PIWIL2: variants seen among roughly 807,000 people sequenced by gnomAD.
The protein encoded by PIWIL2 is piwi like RNA-mediated gene silencing 2.
Under a neutral mutation model 116.5 loss-of-function variants are expected in PIWIL2, and 81 were observed. The ratio of observed to expected loss-of-function variants is 0.70; its 90% CI spans 0.58 to 0.84. PIWIL2 has a LOEUF of 0.84. Among genes scored for constraint, PIWIL2 ranks in the 40% least tolerant of loss-of-function variants. The pLI, the probability that PIWIL2 is intolerant of heterozygous loss-of-function variation, is 0.00. For synonymous variants in PIWIL2, 489 were observed against 429.5 expected, an observed-to-expected ratio of 1.14 and a Z score of -1.71; for missense variants, 1,272 against 1,212.3, an observed-to-expected ratio of 1.05 and a Z score of -0.73.
intron 20 of PIWIL2, among the ~76,000 whole-genome samples, chr8:22,328,740 G>T (rs1376338655): frequency 6.7e-6 from 1 of 150,026 alleles, no homozygotes; most frequent in Non-Finnish European, 1.5e-5. Context: ...TTCATTGCTG[G>T]CATATAGAAA....
intron 2 of PIWIL2, 72 bp from the exon 3 acceptor site, chr8:22,281,048 C>G (rs1830487136): frequency 3.6e-6 from 3 of 829,132 alleles, no homozygotes; most frequent in Non-Finnish European, 5.9e-6. Context: ...TATTATATAC[C>G]AAGACTAAGA....
At chr8:22,338,247 G>A (rs569770164) in intron 20 of PIWIL2, among the ~76,000 whole-genome samples, 2 of 152,210 alleles carry the variant, frequency 1.3e-5, no homozygotes, top group East Asian at 1.9e-4. Flanking sequence ...AAAATCCCAG[G>A]GAACCAACAA....
chr8:22,282,203 G>A (rs1184323846), intron 4 of PIWIL2, among the ~76,000 whole-genome samples: 2 of 142,584 alleles, frequency 1.4e-5, no homozygotes, highest in South Asian at 4.4e-4. Flanking sequence ...GCCTCAGTGT[G>A]CCGAGTAGCT....
chr8:22,354,219 C>T (rs974540454), intron 21 of PIWIL2, 52 bp from the exon 22 acceptor site: 21 of 1,192,388 alleles, frequency 1.8e-5, no homozygotes, highest in Non-Finnish European at 2.5e-5. Context: ...TCTTTGCCAG[C>T]TCTGTCTGGC....
intron 20 of PIWIL2, among the ~76,000 whole-genome samples, chr8:22,348,172 G>T (rs958197863): frequency 6.6e-6 from 1 of 151,426 alleles, no homozygotes; most frequent in African/African-American, 2.4e-5. Context: ...ATGATGGCGG[G>T]TGTCTGTAAT....
intron 19 of PIWIL2, 29 bp from the exon 20 acceptor site, chr8:22,318,139 TTC>T (rs778446940): frequency 2.9e-6 from 4 of 1,382,848 alleles, no homozygotes; most frequent in Non-Finnish European, 4.1e-6. Flanking sequence ...TCATCTTCCT[TTC>T]TCTGTCTCTC....
At position 22,305,879 on chromosome 8, in the gene PIWIL2, T is replaced by A. The variant is rs189364011; in HGVS notation, c.1456-48T>A. On this transcript the variant is annotated intron_variant, in intron 12 of 22. Coordinates refer to ENST00000356766, the MANE Select transcript of PIWIL2 (RefSeq NM_018068.5). ...GACATGTCCTGTATGGTCGGGAACA[T>A]GAGCCTCTTGTACTGCCTTATTTTC... is the stretch of plus-strand genomic sequence containing the variant. The A allele has an allele frequency of 1.3e-5, 18 of 1,367,244 alleles. No homozygotes were observed. In the Admixed American group the frequency reaches 2.9e-4, roughly 22 times the overall value. The allele number at this position is 1,367,244 out of a possible 1,614,324, so 84.7% of individuals were successfully genotyped here. A position where few individuals can be genotyped will look rare whatever the true frequency, so the allele number is the denominator to read the frequency against.
At chr8:22,284,122 T>A (rs1830578340) in intron 5 of PIWIL2, 40 bp from the exon 6 acceptor site, 1 of 1,107,004 alleles carries the variant, frequency 9.0e-7, no homozygotes, top group Admixed American at 2.5e-5. Flanking sequence ...TGTTTTTTTG[T>A]TTTTGATATA....
chr8:22,300,860 G>A (rs1028670674), intron 10 of PIWIL2, among the ~76,000 whole-genome samples: 1 of 152,128 alleles, frequency 6.6e-6, no homozygotes, highest in African/African-American at 2.4e-5. Flanking sequence ...TGTTTTTACT[G>A]AGTTGTGCAG....
intron 6 of PIWIL2, 36 bp downstream of exon 6, chr8:22,284,308 A>G: frequency 9.3e-7 from 1 of 1,076,344 alleles, no homozygotes; most frequent in Non-Finnish European, 1.4e-6. Context: ...TTCACTTCTT[A>G]AAGGGCAGTA....
At chr8:22,290,173 G>A (rs1830726393) in intron 9 of PIWIL2, 60 bp from the exon 10 acceptor site, 12 of 978,024 alleles carry the variant, frequency 1.2e-5, no homozygotes. Context: ...GTTCACATGG[G>A]GGCATGGAAG....
intron 20 of PIWIL2, among the ~76,000 whole-genome samples, chr8:22,346,795 G>T (rs1218706293): frequency 6.6e-6 from 1 of 152,094 alleles, no homozygotes; most frequent in East Asian, 1.9e-4. Context: ...GCCTGTAGGC[G>T]CAGCTACTCA....
At chr8:22,342,451 T>C (rs897453376) in intron 20 of PIWIL2, among the ~76,000 whole-genome samples, 4 of 152,056 alleles carry the variant, frequency 2.6e-5, no homozygotes, top group Admixed American at 6.6e-5. Context: ...TGGAACAGAA[T>C]AGAAAGCCCA....
intron 15 of PIWIL2, among the ~76,000 whole-genome samples, chr8:22,310,818 C>G (rs1831310616): frequency 6.6e-6 from 1 of 152,148 alleles, no homozygotes; most frequent in African/African-American, 2.4e-5. Context: ...TACATGGAAT[C>G]ATAGATTATA....
rs377002115 is a variant in PIWIL2 at position 22,288,522 on chromosome 8, T to A, written c.862-20T>A. The A allele has an allele frequency of 5.6e-6, 9 of 1,604,198 alleles. No individual in the cohort carries two copies. The African/African-American group carries it at 1.2e-4, about 21-fold the overall frequency. On this transcript the variant is annotated intron_variant, in intron 7 of 22. Coordinates refer to ENST00000356766, the MANE Select transcript of PIWIL2 (RefSeq NM_018068.5). ...CTTAGTTTTGTCATTTTGTTTCACC[T>A]GTGTGTATTTATTTGTTAGGTTCTT...
chr8:22,310,485 T>G (rs947534759), intron 15 of PIWIL2, among the ~76,000 whole-genome samples: 7 of 152,188 alleles, frequency 4.6e-5, no homozygotes, highest in African/African-American at 1.7e-4. Flanking sequence ...TGGCATATAA[T>G]TACTTCTCAG....
chr8:22,294,830 GC>G (rs1830854324), intron 10 of PIWIL2, among the ~76,000 whole-genome samples: 1 of 143,942 alleles, frequency 6.9e-6, no homozygotes, highest in African/African-American at 2.5e-5. Context: ...GGAGGCCGAG[GC>G]AGGCGGATCA....
rs1830655442 is a variant in PIWIL2 at position 22,287,508 on chromosome 8, T to C, written c.744-20T>C. ...CAGTTTGAGTCAAGTTAAAGGAAAA[T>C]CCTCTTCATTATTTTCCAGCCCCAA... is the stretch of plus-strand genomic sequence containing the variant. On this transcript the variant is annotated intron_variant, in intron 6 of 22. Transcript: ENST00000356766. The C allele has an allele frequency of 2.0e-6, 3 of 1,516,310 alleles. No homozygotes were observed. In the East Asian group the frequency reaches 6.8e-5, roughly 34 times the overall value. 93.9% of individuals were successfully genotyped at this position (1,516,310 alleles called of 1,614,324 possible). A position where few individuals can be genotyped will look rare whatever the true frequency, so the allele number is the denominator to read the frequency against.
In PIWIL2 at chr8:22,306,033, T is replaced by G. The variant is rs1333964689; in HGVS notation, c.1545+17T>G. The G allele has an allele frequency of 6.3e-7, 1 of 1,584,166 alleles. No individual in the cohort carries two copies. Among genetic ancestry groups the G allele is most frequent in the East Asian group, 2.2e-5 (1 of 44,750 alleles). On this transcript the variant is annotated intron_variant, in intron 13 of 22. Coordinates refer to ENST00000356766, the MANE Select transcript of PIWIL2 (RefSeq NM_018068.5). ...GCCATGAAGGTTGGAGTCCTGTGTT[T>G]TCAGCCGGAAATGCCCACTTTGTGA...
Sources: allele counts gnomAD v4.1 joint callset (sites outside exome capture counted in the v4.1 genomes callset), GRCh38; gene constraint gnomAD v4.1.1; transcripts MANE v1.5; gene names NCBI Gene and HGNC (gene_info 2026-07-23, HGNC 2026-07-21).